The following SPHK1 variants were observed in gnomAD, a reference collection of about 807,000 sequenced individuals.
SPHK1 encodes the protein sphingosine kinase 1, also known as SK 1.
SPHK1 carries 10 observed loss-of-function variants against 14.6 expected under a neutral mutation model. That is an observed-to-expected ratio of 0.68 (90% CI 0.42 to 1.16). The LOEUF is 1.16. Among genes scored for constraint, SPHK1 ranks in the 50% most tolerant of loss-of-function variants. SPHK1 has a pLI of 0.00. For synonymous variants in SPHK1, 274 were observed against 224.0 expected, an observed-to-expected ratio of 1.22 and a Z score of -1.99; for missense variants, 553 against 525.4, an observed-to-expected ratio of 1.05 and a Z score of -0.51.
chr17:76,384,088 C>G, upstream of SPHK1: 1 of 280,146 alleles, frequency 3.6e-6, no homozygotes, highest in Non-Finnish European at 7.0e-6. Flanking sequence ...CCTGGAGAGG[C>G]GCCCCGGGTG....
chr17:76,384,940 T>G, intron 1 of SPHK1, 134 bp downstream of exon 1: 1 of 740,964 alleles, frequency 1.3e-6, no homozygotes, highest in Non-Finnish European at 2.0e-6. Flanking sequence ...GGGCTTGGCT[T>G]TGGCGCGACC....
rs1442590942 is a variant in SPHK1, at chr17:76,386,147, T to A, written c.163+10T>A. 6.3e-7 allele frequency: 1 copy of A among 1,591,054 alleles called. No homozygotes were observed. The highest frequency in any genetic ancestry group is 1.3e-5 in the African/African-American group (1 of 74,492). On this transcript the variant is annotated intron_variant, in intron 3 of 5. Coordinates refer to ENST00000592299, the MANE Select transcript of SPHK1 (RefSeq NM_001142601.2). This position sits in a 1 kb window ranked among gnomAD's most constrained non-coding sequence, Gnocchi z 5.3. ...ACGCTGATGCTCACTGGTGAGTACC[T>A]CTCGGAGGGGGTTTCGGGAGCATCC... is the stretch of plus-strand genomic sequence containing the variant.
In SPHK1 at chr17:76,385,551, C is replaced by T; in HGVS notation, c.-94C>T. ...GGCCCTGCGACGCCCGCCTGGGCAG[C>T]ACCGATAAGGAGCTGAAGGCAGGAG... On this transcript the variant is annotated 5_prime_UTR_variant, in exon 2 of 6. Transcript: ENST00000592299. This position sits in a 1 kb window ranked among gnomAD's most constrained non-coding sequence, Gnocchi z 5.3. The T allele has an allele frequency of 6.5e-6, 10 of 1,540,346 alleles. No individual in the cohort carries two copies. Among genetic ancestry groups the T allele is most frequent in the Non-Finnish European group, 7.8e-6 (9 of 1,149,822 alleles).
chr17:76,384,539 G>A (rs1430333314), upstream of SPHK1: 1 of 151,142 alleles, frequency 6.6e-6, no homozygotes, highest in Non-Finnish European at 1.5e-5. Context: ...GCGGGCAGAG[G>A]CCGAGGCCGC....
At position 76,384,671 on chromosome 17, in the gene SPHK1, A is replaced by C; in HGVS notation, c.-330A>C. On this transcript the variant is annotated 5_prime_UTR_variant, in exon 1 of 6. Coordinates refer to ENST00000592299, the MANE Select transcript of SPHK1 (RefSeq NM_001142601.2). ...GAGCGAAAAGTTTGAGGCCGGAGGG[A>C]GCGAGGCCGGGGAGTCCGCTCCAGC... The C allele has an allele frequency of 6.4e-6, 1 of 155,062 alleles. No homozygotes were observed. The highest frequency in any genetic ancestry group is 1.4e-5 in the Non-Finnish European group (1 of 70,002). The allele number at this position is 155,062 out of a possible 1,614,324, so 9.6% of individuals were successfully genotyped here. A position where few individuals can be genotyped will look rare whatever the true frequency, so the allele number is the denominator to read the frequency against.
chr17:76,385,360 C>A lies in SPHK1; in HGVS notation c.-194-91C>A. 2.8e-6 allele frequency: 4 copies of A among 1,448,672 alleles called. No homozygotes were observed. Among genetic ancestry groups the A allele is most frequent in the Non-Finnish European group, 3.6e-6 (4 of 1,103,890 alleles). 89.7% of individuals were successfully genotyped at this position (1,448,672 alleles called of 1,614,324 possible). ...CTCTGGACTTCCCGGGAACCTGGCT[C>A]CCCGCGCGTGGTCCCGGGATTTAGT... is the stretch of plus-strand genomic sequence containing the variant. On this transcript the variant is annotated intron_variant, in intron 1 of 5. Coordinates refer to ENST00000592299, the MANE Select transcript of SPHK1 (RefSeq NM_001142601.2). The surrounding 1 kb of genome is among the most constrained non-coding windows in gnomAD (Gnocchi z 5.3).
At chr17:76,384,955 A>G (rs2071935286) in intron 1 of SPHK1, 149 bp downstream of exon 1, 1 of 841,414 alleles carries the variant, frequency 1.2e-6, no homozygotes, top group African/African-American at 1.8e-5. Flanking sequence ...GCGACCCGGG[A>G]GCGGCTCCCA....
upstream of SPHK1, chr17:76,383,482 GCTC>G (rs2071901766): frequency 5.3e-6 from 1 of 190,378 alleles, no homozygotes. Flanking sequence ...TTGGCTGCGT[GCTC>G]CTCCTGGACC....
At chr17:76,384,022 G>A, upstream of SPHK1, 1 of 406,198 alleles carries the variant, frequency 2.5e-6, no homozygotes, top group Non-Finnish European at 4.0e-6. Flanking sequence ...ACCTCCGTGG[G>A]AGCGCGGGGG....
chr17:76,386,422 C>G lies in SPHK1; in HGVS notation c.288C>G (p.Asp96Glu). Residue 96 changes from aspartate (D) to glutamate (E), a missense_variant, in exon 5 of 6, where the codon GAC becomes GAG. Transcript: ENST00000592299. This position sits in a 1 kb window ranked among gnomAD's most constrained non-coding sequence, Gnocchi z 5.3. ...EVVNGLMERP[D>E]WETAIQKPLC... Reference sequence around the variant, plus strand: ...TGAACGGGCTCATGGAGCGGCCTGACTGGGAGACCGCCATCCAGAAGCCCC... The same window carrying G: ...TGAACGGGCTCATGGAGCGGCCTGAGTGGGAGACCGCCATCCAGAAGCCCC... 1 of 1,612,838 alleles carries G rather than the reference C, an allele frequency of 6.2e-7. No homozygotes were observed. Among genetic ancestry groups the G allele is most frequent in the Non-Finnish European group, 8.5e-7 (1 of 1,179,812 alleles).
At position 76,386,402 on chromosome 17, in the gene SPHK1, G is replaced by C. The variant is rs760404648; in HGVS notation, c.268G>C (p.Gly90Arg). 2 of 1,611,416 alleles carry C rather than the reference G, an allele frequency of 1.2e-6. No homozygotes were observed. The highest frequency in any genetic ancestry group is 1.7e-6 in the Non-Finnish European group (2 of 1,178,850). Residue 90 changes from glycine to arginine, a missense_variant, in exon 5 of 6, where the codon GGG (glycine) becomes CGG (arginine). Physicochemically the swap from Gly to Arg is moderately radical, Grantham distance 125. Coordinates refer to ENST00000592299, the MANE Select transcript of SPHK1 (RefSeq NM_001142601.2). The surrounding 1 kb of genome is among the most constrained non-coding windows in gnomAD (Gnocchi z 5.3). ...GDGLMHEVVN[G>R]LMERPDWETA... is the part of the protein sequence containing the mutation. ...ACGTGTGCTTCAACAGGTGGTGAAC[G>C]GGCTCATGGAGCGGCCTGACTGGGA...
rs1310616481 is a variant in SPHK1 at position 76,386,365 on chromosome 17, C to T, written c.259-28C>T. On this transcript the variant is annotated intron_variant, in intron 4 of 5. Transcript: ENST00000592299. The surrounding 1 kb of genome is among the most constrained non-coding windows in gnomAD (Gnocchi z 5.3). ...GCCTGGGGCTTGGCGCGGTGCGTCC[C>T]AGGCTGAGGCCACGTGTGCTTCAAC... The T allele has an allele frequency of 1.9e-6, 3 of 1,607,630 alleles. No homozygotes were observed. The highest frequency in any genetic ancestry group is 4.5e-5 in the East Asian group (2 of 44,710).
upstream of SPHK1, chr17:76,383,736 A>C (rs534302925): frequency 4.0e-4 from 335 of 843,810 alleles, 1 homozygote; most frequent in Admixed American, 1.1e-3. Flanking sequence ...AGTGTATCAC[A>C]AACACACTGA....
upstream of SPHK1, chr17:76,383,763 G>C (rs2071908788): frequency 1.8e-6 from 2 of 1,085,032 alleles, no homozygotes; most frequent in Non-Finnish European, 2.5e-6. Context: ...CGTCCCTACT[G>C]GCCTCCAAAG....
chr17:76,383,802 C>T (rs1312583531), upstream of SPHK1: 1 of 1,281,740 alleles, frequency 7.8e-7, no homozygotes. Context: ...GCGTTTCCGG[C>T]GCCCCTTCTT....
In SPHK1 at chr17:76,386,528, G is replaced by A; in HGVS notation, c.374+20G>A. On this transcript the variant is annotated intron_variant, in intron 5 of 5. Transcript: ENST00000592299. This position sits in a 1 kb window ranked among gnomAD's most constrained non-coding sequence, Gnocchi z 5.3. ...TGCTGGGTGAGAGCCCAGGGCCAGA[G>A]TAGGCCTGTTTCCCGTCAGTGCTCC... 2 of 1,602,168 alleles carry A rather than the reference G, an allele frequency of 1.2e-6. No homozygotes were observed. Among genetic ancestry groups the A allele is most frequent in the Non-Finnish European group, 1.7e-6 (2 of 1,173,480 alleles).
At position 76,385,314 on chromosome 17, in the gene SPHK1, C is replaced by A. The variant is rs2071946196; in HGVS notation, c.-194-137C>A. The stretch of plus-strand genomic sequence containing the variant: ...CTTAGTCACACGGCGGGGGCGCCCT[C>A]GGAGGCACCGGACCTCAGCTCTCTG... On this transcript the variant is annotated intron_variant, in intron 1 of 5. Transcript: ENST00000592299. This position sits in a 1 kb window ranked among gnomAD's most constrained non-coding sequence, Gnocchi z 5.3. The A allele has an allele frequency of 1.4e-6, 2 of 1,455,550 alleles. No homozygotes were observed. Among genetic ancestry groups the A allele is most frequent in the South Asian group, 1.4e-5 (1 of 70,500 alleles). 90.2% of individuals were successfully genotyped at this position (1,455,550 alleles called of 1,614,324 possible). A position where few individuals can be genotyped will look rare whatever the true frequency, so the allele number is the denominator to read the frequency against.
In SPHK1 at chr17:76,386,208, G is replaced by T. The variant is rs1207903095; in HGVS notation, c.164-13G>T. 3 of 1,595,510 alleles carry T rather than the reference G, an allele frequency of 1.9e-6. No individual in the cohort carries two copies. Among genetic ancestry groups the T allele is most frequent in the East Asian group, 4.5e-5 (2 of 44,674 alleles). ...GACCCCCCCAGTCCTGATAGCTGCCGGTCTCCCTGCAGAGCGGCGGAACCA... is the reference window on the plus strand; with the variant it reads ...GACCCCCCCAGTCCTGATAGCTGCCTGTCTCCCTGCAGAGCGGCGGAACCA... On this transcript the variant is annotated splice_polypyrimidine_tract_variant and intron_variant, in intron 3 of 5. Transcript: ENST00000592299. This position sits in a 1 kb window ranked among gnomAD's most constrained non-coding sequence, Gnocchi z 5.3.
At position 76,385,470 on chromosome 17, in the gene SPHK1, T is replaced by C. The variant is rs751514904; in HGVS notation, c.-175T>C. Reference sequence around the variant, plus strand: ...CCTCAGGTCCAGCCGCCGCAGGGAATGACGCCGGTGCTCCTGCAGCCACGG... The same window carrying C: ...CCTCAGGTCCAGCCGCCGCAGGGAACGACGCCGGTGCTCCTGCAGCCACGG... On this transcript the variant is annotated 5_prime_UTR_variant, in exon 2 of 6. The change abolishes an upstream ATG in the 5' untranslated region. Transcript: ENST00000592299. This position sits in a 1 kb window ranked among gnomAD's most constrained non-coding sequence, Gnocchi z 5.3. The C allele has an allele frequency of 1.5e-5, 24 of 1,558,328 alleles. No homozygotes were observed. The Admixed American group carries it at 4.0e-4, about 26-fold the overall frequency.
Sources: allele counts gnomAD v4.1 joint callset, GRCh38; gene constraint gnomAD v4.1.1; non-coding constraint Gnocchi (gnomAD v3.1); transcripts MANE v1.5; gene names NCBI Gene and HGNC (gene_info 2026-07-23, HGNC 2026-07-21).